CSMD1: variants seen among roughly 807,000 people sequenced by gnomAD.
CSMD1 encodes the protein CUB and sushi domain-containing protein 1.
Under a neutral mutation model 417.5 loss-of-function variants are expected in CSMD1, and 213 were observed. The ratio of observed to expected loss-of-function variants is 0.51; its 90% CI spans 0.46 to 0.57. The LOEUF (loss-of-function observed/expected upper bound fraction) is 0.57, where lower values mean the gene tolerates loss of function less well. CSMD1 is among the 20% of genes least tolerant of loss of function. The pLI, the probability that CSMD1 is intolerant of heterozygous loss-of-function variation, is 0.00. For synonymous variants in CSMD1, 2,862 were observed against 1,736.8 expected (o/e 1.65, Z -16.11); for missense variants, 6,923 against 4,529.7 (o/e 1.53, Z -15.17).
chr8:4,502,370 T>C (rs146410076), intron 2 of CSMD1, among the ~76,000 whole-genome samples: 1 of 152,296 alleles, frequency 6.6e-6, no homozygotes, highest in Non-Finnish European at 1.5e-5. Flanking sequence ...CTGCAGTCTC[T>C]GGCATATAAT....
Position 4,103,292 on chromosome 8 carries a change from G to A in CSMD1, c.416-71193C>T, listed in dbSNP as rs115410033. Among the ~76,000 whole-genome samples the A allele has an allele frequency of 5.5e-3, 822 of 150,360 alleles. 6 individuals carry two copies. The highest frequency in any genetic ancestry group is 0.019 in the African/African-American group (778 of 40,860). ...ATATATATCATACTGAAAGTATGAC[G>A]TGTGTGTGCATATACACACAGTGAT... On this transcript the variant is annotated intron_variant, in intron 3 of 69. Coordinates refer to ENST00000635120, the MANE Select transcript of CSMD1 (RefSeq NM_033225.6).
chr8:4,084,917 C>G (rs1484529447), intron 3 of CSMD1, among the ~76,000 whole-genome samples: 2 of 151,974 alleles, frequency 1.3e-5, no homozygotes, highest in African/African-American at 4.8e-5. Flanking sequence ...AAAACAAAAA[C>G]AAAACTACAA....
At chr8:3,388,215 G>A (rs532922198) in intron 17 of CSMD1, among the ~76,000 whole-genome samples, 1 of 152,250 alleles carries the variant, frequency 6.6e-6, no homozygotes, top group East Asian at 1.9e-4. Flanking sequence ...ATAAATCCAT[G>A]CTATTTTCAA....
chr8:4,912,559 T>C (rs1805763165), intron 1 of CSMD1, among the ~76,000 whole-genome samples: 1 of 152,158 alleles, frequency 6.6e-6, no homozygotes, highest in African/African-American at 2.4e-5. Context: ...GTGACTTCAC[T>C]GGGGTAGTCT....
At chr8:4,365,436 GACA>G (rs1338728522) in intron 3 of CSMD1, among the ~76,000 whole-genome samples, 6 of 152,050 alleles carry the variant, frequency 3.9e-5, no homozygotes, top group African/African-American at 9.7e-5. Context: ...AAAAATAAAA[GACA>G]ACATTTCTTT....
intron 3 of CSMD1, among the ~76,000 whole-genome samples, chr8:4,195,098 A>T (rs185683277): frequency 3.9e-5 from 6 of 152,246 alleles, no homozygotes; most frequent in Admixed American, 2.6e-4. Context: ...ATGAAATTGG[A>T]AACAGAAACC....
chr8:3,163,240 G>A (rs1820002726), intron 37 of CSMD1, among the ~76,000 whole-genome samples: 1 of 152,202 alleles, frequency 6.6e-6, no homozygotes, highest in African/African-American at 2.4e-5. Flanking sequence ...AAATAGTGGA[G>A]AAAGGCTTCT....
chr8:3,830,587 T>A (rs142707423), intron 5 of CSMD1, among the ~76,000 whole-genome samples: 3 of 152,176 alleles, frequency 2.0e-5, no homozygotes, highest in African/African-American at 7.2e-5. Context: ...TGAAGAATGA[T>A]TGTTTGCAAG....
intron 3 of CSMD1, among the ~76,000 whole-genome samples, chr8:4,202,196 G>A (rs557485445): frequency 7.9e-5 from 12 of 152,020 alleles, no homozygotes; most frequent in African/African-American, 2.2e-4. Flanking sequence ...CTCTTATAAT[G>A]ACGCAACAAA....
At chr8:3,376,965 T>G (rs1810345984) in intron 18 of CSMD1, among the ~76,000 whole-genome samples, 1 of 152,146 alleles carries the variant, frequency 6.6e-6, no homozygotes, top group African/African-American at 2.4e-5. Context: ...TGACTGAAAC[T>G]CCCATATCAA....
At chr8:4,002,709 C>G (rs188442741) in intron 4 of CSMD1, among the ~76,000 whole-genome samples, 4 of 152,108 alleles carry the variant, frequency 2.6e-5, no homozygotes, top group Admixed American at 2.6e-4. Flanking sequence ...GCTACAAGGA[C>G]CCAATATGAT....
intron 1 of CSMD1, among the ~76,000 whole-genome samples, chr8:4,910,435 C>A (rs1805584320): frequency 2.0e-5 from 3 of 152,050 alleles, no homozygotes; most frequent in Admixed American, 2.0e-4. Context: ...CTGAGAAGTC[C>A]AGGATCAAGT....
intron 3 of CSMD1, among the ~76,000 whole-genome samples, chr8:4,097,367 C>T (rs748767328): frequency 3.4e-4 from 52 of 152,184 alleles, no homozygotes; most frequent in Non-Finnish European, 5.3e-4. Context: ...AAGAAGAATG[C>T]TTACCACACA....
chr8:3,346,648 C>G (rs559221707), intron 22 of CSMD1, among the ~76,000 whole-genome samples: 65 of 152,300 alleles, frequency 4.3e-4, no homozygotes, highest in Non-Finnish European at 5.9e-4. Flanking sequence ...TTCTCCTGAC[C>G]TTTGCACATA....
chr8:3,295,241 C>T (rs1325108816), intron 25 of CSMD1, among the ~76,000 whole-genome samples: 1 of 152,060 alleles, frequency 6.6e-6, no homozygotes, highest in Non-Finnish European at 1.5e-5. Context: ...TCTCCTGCCT[C>T]AGCCTCCCGA....
intron 2 of CSMD1, among the ~76,000 whole-genome samples, chr8:4,505,113 C>T (rs866891934): frequency 1.1e-4 from 17 of 152,228 alleles, no homozygotes; most frequent in African/African-American, 4.1e-4. Context: ...AATATAAGCA[C>T]AAATCCAAAA....
At chr8:2,999,569 G>C (rs1399325003) in intron 53 of CSMD1, among the ~76,000 whole-genome samples, 1 of 152,158 alleles carries the variant, frequency 6.6e-6, no homozygotes, top group Non-Finnish European at 1.5e-5. Flanking sequence ...GCTGTTTCTA[G>C]GACTGCAAAG....
At chr8:4,410,113 C>A (rs1219542038) in intron 3 of CSMD1, among the ~76,000 whole-genome samples, 1 of 152,138 alleles carries the variant, frequency 6.6e-6, no homozygotes, top group Non-Finnish European at 1.5e-5. Flanking sequence ...CGTACCCGGT[C>A]CCATACTTTA....
At chr8:4,715,796 G>A (rs527800123) in intron 1 of CSMD1, among the ~76,000 whole-genome samples, 1 of 152,138 alleles carries the variant, frequency 6.6e-6, no homozygotes, top group East Asian at 1.9e-4. Context: ...AAACGAGCCC[G>A]TCCTCCTATC....
Sources: allele counts gnomAD v4.1 joint callset (sites outside exome capture counted in the v4.1 genomes callset), GRCh38; gene constraint gnomAD v4.1.1; transcripts MANE v1.5; gene names NCBI Gene and HGNC (gene_info 2026-07-23, HGNC 2026-07-21).